PPP4R3B: variants seen among roughly 807,000 people sequenced by gnomAD.
PPP4R3B encodes the protein protein phosphatase 4 regulatory subunit 3B.
A neutral mutation model predicts 95.4 loss-of-function variants in PPP4R3B; 52 were observed. The observed-to-expected ratio is 0.54, with a 90% CI of 0.44 to 0.69. The LOEUF is 0.69. Ranked by LOEUF, PPP4R3B falls within the 30% of genes least tolerant of loss-of-function variation. The pLI, the probability that PPP4R3B is intolerant of heterozygous loss-of-function variation, is 0.00. For synonymous variants in PPP4R3B, 407 were observed against 343.9 expected (o/e 1.18, Z -2.03); for missense variants, 1,003 against 1,005.9 (o/e 1.00, Z 0.04).
At chr2:55,602,638 G>C (rs1270525188) in intron 3 of PPP4R3B, among the ~76,000 whole-genome samples, 3 of 152,194 alleles carry the variant, frequency 2.0e-5, no homozygotes, top group Non-Finnish European at 4.4e-5. Context: ...AACTTAACTA[G>C]TTGGCAATAC....
At chr2:55,563,803 T>C (rs1686936016) in intron 15 of PPP4R3B, among the ~76,000 whole-genome samples, 1 of 152,264 alleles carries the variant, frequency 6.6e-6, no homozygotes, top group Non-Finnish European at 1.5e-5. Flanking sequence ...AGATCTTCAT[T>C]TTATAAAACA....
intron 1 of PPP4R3B, among the ~76,000 whole-genome samples, chr2:55,615,794 G>A (rs950639345): frequency 7.1e-6 from 1 of 140,182 alleles, no homozygotes; most frequent in African/African-American, 2.7e-5. Context: ...AGGAGGCAGA[G>A]GTTGCAGTAG....
intron 16 of PPP4R3B, among the ~76,000 whole-genome samples, chr2:55,557,626 CACTATACT>C (rs1686022549): frequency 6.6e-6 from 1 of 152,326 alleles, no homozygotes; most frequent in Admixed American, 6.5e-5. Flanking sequence ...GAGCCTATCT[CACTATACT>C]ACTGAATGAA....
chr2:55,587,982 T>C (rs952637712), intron 5 of PPP4R3B, among the ~76,000 whole-genome samples: 2 of 152,184 alleles, frequency 1.3e-5, no homozygotes, highest in Non-Finnish European at 2.9e-5. Context: ...CAATATCAGA[T>C]AGCTAAATTA....
At chr2:55,599,170 G>T in intron 3 of PPP4R3B, 131 bp from the exon 4 acceptor site, 1 of 834,556 alleles carries the variant, frequency 1.2e-6, no homozygotes, top group Non-Finnish European at 1.8e-6. Context: ...AGGCACGGTG[G>T]CTCACGCCTG....
At chr2:55,610,130 T>G (rs1369947446) in intron 2 of PPP4R3B, among the ~76,000 whole-genome samples, 2 of 152,198 alleles carry the variant, frequency 1.3e-5, no homozygotes, top group Non-Finnish European at 2.9e-5. Flanking sequence ...CTCTTTAATA[T>G]TTAATCATTT....
chr2:55,567,495 C>A (rs1337397333), intron 13 of PPP4R3B, among the ~76,000 whole-genome samples: 1 of 152,062 alleles, frequency 6.6e-6, no homozygotes, highest in East Asian at 1.9e-4. Flanking sequence ...TGGCTCACTG[C>A]AACCCCACCT....
intron 12 of PPP4R3B, among the ~76,000 whole-genome samples, chr2:55,573,000 G>A (rs985144015): frequency 5.9e-5 from 9 of 152,044 alleles, no homozygotes; most frequent in Non-Finnish European, 1.3e-4. Context: ...CTCTATACAT[G>A]TGTGAATATG....
chr2:55,568,553 T>C (rs772605874), intron 12 of PPP4R3B, among the ~76,000 whole-genome samples, 190 bp from the exon 13 acceptor site: 16 of 152,068 alleles, frequency 1.1e-4, no homozygotes, highest in South Asian at 2.1e-4. Context: ...TTGAGGAAAA[T>C]AGAGCTGCAG....
rs1429412452 is a variant in PPP4R3B, at chr2:55,547,818, C to G, written c.*2093G>C. On this transcript the variant is annotated 3_prime_UTR_variant, in exon 17 of 17. Coordinates refer to ENST00000616407, the MANE Select transcript of PPP4R3B (RefSeq NM_001122964.3). Reference sequence around the variant, plus strand: ...GCACCTGTAATCCCAGCTACTCAGGCTGAGGCAGAGAATTGCTTGAACCCA... The same window carrying G: ...GCACCTGTAATCCCAGCTACTCAGGGTGAGGCAGAGAATTGCTTGAACCCA... The G allele has an allele frequency of 1.3e-5, 2 of 152,156 alleles. No homozygotes were observed. Among genetic ancestry groups the G allele is most frequent in the Non-Finnish European group, 2.9e-5 (2 of 68,066 alleles). 9.4% of individuals were successfully genotyped at this position (152,156 alleles called of 1,614,324 possible).
chr2:55,582,531 C>G (rs1181086408), intron 7 of PPP4R3B, among the ~76,000 whole-genome samples: 8 of 152,156 alleles, frequency 5.3e-5, no homozygotes, highest in Non-Finnish European at 1.2e-4. Flanking sequence ...GATTCTAAAA[C>G]AGATTTCTTA....
chr2:55,582,371 A>G (rs1268330402), intron 7 of PPP4R3B, among the ~76,000 whole-genome samples: 1 of 152,124 alleles, frequency 6.6e-6, no homozygotes, highest in Admixed American at 6.6e-5. Context: ...CTCCTGCCTC[A>G]GCCTCTTTAG....
intron 11 of PPP4R3B, among the ~76,000 whole-genome samples, chr2:55,575,068 G>C (rs895218986): frequency 4.0e-5 from 6 of 149,226 alleles, no homozygotes; most frequent in Admixed American, 3.4e-4. Context: ...CTCCCAAGTA[G>C]CTGGGACTAC....
intron 3 of PPP4R3B, among the ~76,000 whole-genome samples, chr2:55,600,479 ATAAT>A (rs1343625422): frequency 1.2e-4 from 18 of 150,260 alleles, no homozygotes; most frequent in Admixed American, 1.1e-3. Flanking sequence ...TGGTTAAGAA[ATAAT>A]TAAGTAATAT....
intron 10 of PPP4R3B, among the ~76,000 whole-genome samples, chr2:55,577,797 T>G (rs921715121): frequency 6.6e-6 from 1 of 152,032 alleles, no homozygotes; most frequent in African/African-American, 2.4e-5. Context: ...GAATAATGAA[T>G]GTGTTTATGC....
chr2:55,553,502 A>T (rs901918578), intron 16 of PPP4R3B, among the ~76,000 whole-genome samples: 1 of 152,198 alleles, frequency 6.6e-6, no homozygotes, highest in African/African-American at 2.4e-5. Flanking sequence ...CATATAATTC[A>T]GTGGTTTTAG....
At position 55,615,443 on chromosome 2, in the gene PPP4R3B, C is replaced by T; in HGVS notation, c.198+8G>A. On this transcript the variant is annotated splice_region_variant and intron_variant, in intron 2 of 16. Transcript: ENST00000616407. ...AGTCTTTCAAATTAAAGATAAACAA[C>T]TACTTGCCTGTTGTTTCTGATATGC... The T allele has an allele frequency of 1.9e-6, 3 of 1,581,130 alleles. No homozygotes were observed. Among genetic ancestry groups the T allele is most frequent in the South Asian group, 1.1e-5 (1 of 87,676 alleles).
intron 2 of PPP4R3B, among the ~76,000 whole-genome samples, chr2:55,604,348 G>A (rs1489898467): frequency 6.6e-6 from 1 of 152,042 alleles, no homozygotes; most frequent in African/African-American, 2.4e-5. Flanking sequence ...TTTATAAAAA[G>A]GCTAGCCATT....
intron 2 of PPP4R3B, among the ~76,000 whole-genome samples, chr2:55,608,336 A>C (rs1693700287): frequency 6.6e-6 from 1 of 152,122 alleles, no homozygotes. Flanking sequence ...CTTTTCTCTG[A>C]TCTTGTCAAA....
Sources: gnomAD v4.1 joint callset for allele counts (sites outside exome capture counted in the v4.1 genomes callset) on GRCh38, gnomAD v4.1.1 for gene constraint, MANE v1.5 for transcripts, NCBI Gene and HGNC (gene_info 2026-07-23, HGNC 2026-07-21) for gene names.